SC5D: variants seen among roughly 807,000 people sequenced by gnomAD.
SC5D encodes the protein lathosterol oxidase.
A neutral mutation model predicts 23.9 loss-of-function variants in SC5D; 21 were observed. The observed-to-expected ratio is 0.88, with a 90% CI of 0.62 to 1.26. The LOEUF is 1.26. SC5D is among the 50% of genes most tolerant of loss of function. The probability of loss-of-function intolerance (pLI) is 0.00; values close to 1 mark genes in which losing one functional copy is unlikely to be tolerated. For missense variants in SC5D, 309 were observed against 364.8 expected (o/e 0.85, Z 1.25); for synonymous variants, 113 against 125.9 (o/e 0.90, Z 0.68).
chr11:121,294,646 T>C (rs955802507), intron 1 of SC5D, among the ~76,000 whole-genome samples: 1 of 152,242 alleles, frequency 6.6e-6, no homozygotes, highest in Non-Finnish European at 1.5e-5. Flanking sequence ...TGAAGTAATT[T>C]TGACGCATTT....
chr11:121,308,520 CAA>C lies in SC5D; in HGVS notation c.*1010_*1011del, dbSNP rs1261075784. The C allele has an allele frequency of 6.6e-6, 1 of 152,472 alleles. No homozygotes were observed. Among genetic ancestry groups the C allele is most frequent in the African/African-American group, 2.4e-5 (1 of 41,414 alleles). The allele number at this position is 152,472 out of a possible 1,614,324, so 9.4% of individuals were successfully genotyped here. On this transcript the variant is annotated 3_prime_UTR_variant, in exon 5 of 5. Coordinates refer to ENST00000264027, the MANE Select transcript of SC5D (RefSeq NM_006918.5). Reference sequence around the variant, plus strand: ...CTACTTCCTCTGCAAAAAGATTTAACAAATACATTCATAAGGAAATGTGTGTT... The same window carrying C: ...CTACTTCCTCTGCAAAAAGATTTAACATACATTCATAAGGAAATGTGTGTT...
At chr11:121,295,804 C>T (rs1947884969) in intron 1 of SC5D, among the ~76,000 whole-genome samples, 1 of 152,146 alleles carries the variant, frequency 6.6e-6, no homozygotes, top group Non-Finnish European at 1.5e-5. Flanking sequence ...ACAATGACAT[C>T]ACCATCTACT....
chr11:121,301,357 C>T (rs750137130), intron 1 of SC5D, among the ~76,000 whole-genome samples: 13 of 147,982 alleles, frequency 8.8e-5, no homozygotes, highest in African/African-American at 1.0e-4. Flanking sequence ...TTGAAAAGTA[C>T]AGTGACTGAA....
At chr11:121,306,682 G>A in intron 4 of SC5D, 196 bp downstream of exon 4, 1 of 680,196 alleles carries the variant, frequency 1.5e-6, no homozygotes, top group South Asian at 1.5e-5. Context: ...AAATTCGTCT[G>A]TTCCGGTAAC....
intron 3 of SC5D, chr11:121,305,303 A>C (rs1413988628): frequency 1.3e-5 from 2 of 151,612 alleles, no homozygotes; most frequent in Non-Finnish European, 2.9e-5. Flanking sequence ...ATTCTATGAG[A>C]TAGGTACTAT....
chr11:121,302,561 A>G lies in SC5D; in HGVS notation c.-10-805A>G, dbSNP rs11218245. ...GCAAACTATCTGTAAATGGCCAGGT[A>G]GTAAATGCCTTCGGTTCAACGGGCC... On this transcript the variant is annotated intron_variant, in intron 1 of 4. Coordinates refer to ENST00000264027, the MANE Select transcript of SC5D (RefSeq NM_006918.5). 8.2e-3 allele frequency among the ~76,000 whole-genome samples: 1,255 copies of G among 152,342 alleles called. 9 individuals are homozygous for G. The highest frequency in any genetic ancestry group is 0.012 in the Non-Finnish European group (802 of 68,036).
chr11:121,306,521 T>G (rs903213234), intron 4 of SC5D, 35 bp downstream of exon 4: 1 of 1,021,278 alleles, frequency 9.8e-7, no homozygotes, highest in Non-Finnish European at 1.6e-6. Flanking sequence ...GAAAAAAGGT[T>G]ACACATTTCA....
intron 1 of SC5D, 130 bp downstream of exon 1, chr11:121,292,946 C>T (rs1179635693): frequency 1.3e-5 from 2 of 152,374 alleles, no homozygotes; most frequent in Non-Finnish European, 2.9e-5. Flanking sequence ...GGAAGGTGTC[C>T]TCGCAGCACG....
chr11:121,299,399 A>G (rs1947911346), intron 1 of SC5D, among the ~76,000 whole-genome samples: 1 of 152,168 alleles, frequency 6.6e-6, no homozygotes, highest in Non-Finnish European at 1.5e-5. Flanking sequence ...CTTTGATTTT[A>G]TATATATTTG....
At chr11:121,302,558 G>C (rs1471664201) in intron 1 of SC5D, among the ~76,000 whole-genome samples, 2 of 152,196 alleles carry the variant, frequency 1.3e-5, no homozygotes, top group Non-Finnish European at 2.9e-5. Flanking sequence ...TAAATGGCCA[G>C]GTAGTAAATG....
chr11:121,306,336 A>G (rs1283976732), intron 3 of SC5D, 50 bp from the exon 4 acceptor site: 2 of 920,300 alleles, frequency 2.2e-6, no homozygotes, highest in Admixed American at 1.8e-5. Context: ...AGTGAACTCT[A>G]ATCCCAGGAG....
intron 1 of SC5D, among the ~76,000 whole-genome samples, chr11:121,302,005 T>C (rs1947929585): frequency 6.6e-6 from 1 of 152,134 alleles, no homozygotes; most frequent in East Asian, 1.9e-4. Context: ...GAAATGACGG[T>C]GTGGTTTACA....
chr11:121,294,789 G>A (rs7928868), intron 1 of SC5D, among the ~76,000 whole-genome samples: 11,028 of 152,254 alleles, frequency 0.072, 424 homozygotes, highest in South Asian at 0.091. Flanking sequence ...TTGGTTGCAC[G>A]ATACTATTCT....
intron 2 of SC5D, chr11:121,303,986 C>A: frequency 3.9e-6 from 1 of 253,652 alleles, no homozygotes; most frequent in South Asian, 5.0e-5. Flanking sequence ...TGTTTACAAT[C>A]ATTTTTAAAT....
At chr11:121,299,230 C>A (rs1947910048) in intron 1 of SC5D, among the ~76,000 whole-genome samples, 2 of 152,146 alleles carry the variant, frequency 1.3e-5, no homozygotes, top group Non-Finnish European at 2.9e-5. Flanking sequence ...AAAAGGTTAT[C>A]TTGGATATTG....
intron 3 of SC5D, chr11:121,305,154 T>G (rs1236611315): frequency 6.6e-6 from 1 of 150,792 alleles, no homozygotes; most frequent in Non-Finnish European, 1.5e-5. Flanking sequence ...TAAACTTTTG[T>G]GAAATTCTGA....
At chr11:121,303,614 C>T (rs368625073) in intron 2 of SC5D, 29 bp downstream of exon 2, 165 of 1,485,238 alleles carry the variant, frequency 1.1e-4, no homozygotes, top group African/African-American at 2.5e-4. Context: ...TATTTTCTAA[C>T]GATTAAAGTA....
Position 121,304,390 on chromosome 11 carries a change from T to C in SC5D, c.240T>C (p.Thr80=). The change falls in exon 3 of 5, where the codon ACT becomes ACC. Residue 80 remains threonine (T), a synonymous_variant. Coordinates refer to ENST00000264027, the MANE Select transcript of SC5D (RefSeq NM_006918.5). The part of the protein sequence containing the change: ...KNQVRREIKF[T]VQALPWISIL... ...AAGTCCGTCGAGAGATTAAGTTTAC[T>C]GTCCAGGCATTGCCATGGATAAGTA... 6.2e-7 allele frequency: 1 copy of C among 1,613,462 alleles called. No homozygotes were observed. The highest frequency in any genetic ancestry group is 8.5e-7 in the Non-Finnish European group (1 of 1,179,476).
rs993182261 is a variant in SC5D, at chr11:121,310,550, C to T, written c.*3038C>T. On this transcript the variant is annotated 3_prime_UTR_variant, in exon 5 of 5. Transcript: ENST00000264027. The stretch of plus-strand genomic sequence containing the variant: ...TTGGTTCACTGCAAGCTCCACCTCC[C>T]GGGTTCACGCCATTCTCCTGCCTCA... Among the ~76,000 whole-genome samples the T allele has an allele frequency of 7.3e-5, 11 of 151,266 alleles. No individual in the cohort carries two copies. Among genetic ancestry groups the T allele is most frequent in the African/African-American group, 9.7e-5 (4 of 41,078 alleles).
Sources: allele counts gnomAD v4.1 joint callset (sites outside exome capture counted in the v4.1 genomes callset), GRCh38; gene constraint gnomAD v4.1.1; transcripts MANE v1.5; gene names NCBI Gene and HGNC (gene_info 2026-07-23, HGNC 2026-07-21).